The following MAP4 variants were observed in gnomAD, a reference collection of about 807,000 sequenced individuals.
The protein encoded by MAP4 is microtubule-associated protein 4.
In MAP4, 76 loss-of-function variants were observed where a neutral mutation model predicts 170.2. The observed-to-expected ratio is 0.45, with a 90% confidence interval of 0.37 to 0.54. The LOEUF is 0.54. MAP4 is among the 20% of genes least tolerant of loss of function. The pLI is 0.00. For synonymous variants in MAP4, 909 were observed against 994.5 expected (o/e 0.91, Z 1.62); for missense variants, 2,506 against 2,748.0 (o/e 0.91, Z 1.97).
rs576545960 is a variant in MAP4 at position 47,919,309 on chromosome 3, G to GT, written c.530-469dup. Among the ~76,000 whole-genome samples the GT allele has an allele frequency of 4.1e-3, 620 of 151,528 alleles. 6 individuals are homozygous for GT. Among genetic ancestry groups the GT allele is most frequent in the African/African-American group, 0.014 (595 of 41,346 alleles). ...ACTAATAAAAAACAATGCAAAAAAA[G>GT]TTTTTTTTCTTTTTTTGAGACAGAG... On this transcript the variant is annotated intron_variant, in intron 5 of 20. Coordinates refer to ENST00000683076, the MANE Select transcript of MAP4 (RefSeq NM_001385682.1).
chr3:47,973,964 A>C (rs2100080387), intron 3 of MAP4: 1 of 985,322 alleles, frequency 1.0e-6, no homozygotes, highest in Non-Finnish European at 1.2e-6. Flanking sequence ...TTCTGTCCAG[A>C]ATCCATAGAA....
chr3:47,957,816 A>G (rs936810366), intron 3 of MAP4, among the ~76,000 whole-genome samples: 3 of 152,204 alleles, frequency 2.0e-5, no homozygotes, highest in African/African-American at 7.2e-5. Context: ...GATTTCAATC[A>G]GAGACACCTT....
rs1203613789 is a variant in MAP4, at chr3:48,037,313, A to G, written c.-19-38434T>C. Among the ~76,000 whole-genome samples the G allele has an allele frequency of 2.6e-5, 4 of 152,216 alleles. No homozygotes were observed. In the East Asian group the frequency reaches 5.8e-4, roughly 22 times the overall value. On this transcript the variant is annotated intron_variant, in intron 1 of 18. Coordinates refer to the MAP4 transcript ENST00000360240. ...AAGAATACTAAATCAAAAATGATTTATATCAATTATTGTCCATCTTCAATA... is the reference window on the plus strand; with the variant it reads ...AAGAATACTAAATCAAAAATGATTTGTATCAATTATTGTCCATCTTCAATA...
At chr3:47,950,887 A>G (rs2100063291) in intron 3 of MAP4, among the ~76,000 whole-genome samples, 1 of 152,132 alleles carries the variant, frequency 6.6e-6, no homozygotes, top group Non-Finnish European at 1.5e-5. Flanking sequence ...GAAAATTTCT[A>G]CGGAATTCAA....
intron 12 of MAP4, among the ~76,000 whole-genome samples, chr3:47,874,597 C>A (rs1045734973): frequency 6.6e-6 from 1 of 152,206 alleles, no homozygotes. Flanking sequence ...TGTCACCCCC[C>A]AGAAGCCGCT....
At chr3:47,881,447 T>C (rs1393793871) in intron 10 of MAP4, among the ~76,000 whole-genome samples, 19 of 3,520 alleles carry the variant, frequency 5.4e-3, no homozygotes, top group Middle Eastern at 0.045. Context: ...AAAAAACAAC[T>C]ATATATATAT....
chr3:47,866,274 T>C (rs569894837), intron 17 of MAP4, among the ~76,000 whole-genome samples: 2 of 150,800 alleles, frequency 1.3e-5, no homozygotes, highest in Non-Finnish European at 3.0e-5. Flanking sequence ...TAGGTGGAGG[T>C]TGCAGTGAGC....
intron 1 of MAP4, among the ~76,000 whole-genome samples, chr3:48,046,244 C>T (rs1226858980): frequency 6.6e-6 from 1 of 152,148 alleles, no homozygotes; most frequent in African/African-American, 2.4e-5. Flanking sequence ...TTAACTATCA[C>T]ATAGATTTAT....
intron 10 of MAP4, among the ~76,000 whole-genome samples, chr3:47,888,270 C>G (rs1038784682): frequency 4.6e-5 from 7 of 152,154 alleles, no homozygotes; most frequent in African/African-American, 1.2e-4. Flanking sequence ...GCTGCCCGAG[C>G]CAGCACTGGT....
chr3:47,995,250 CTTTTT>C (rs67017707), intron 2 of MAP4, among the ~76,000 whole-genome samples: 2 of 112,220 alleles, frequency 1.8e-5, no homozygotes, highest in African/African-American at 3.2e-5. Flanking sequence ...TTTTTCTTTT[CTTTTT>C]TTTTTTTTTT....
In MAP4 at chr3:47,857,834, G is replaced by A. The variant is rs534826640; in HGVS notation, c.6502-322C>T. 2.6e-5 allele frequency among the ~76,000 whole-genome samples: 4 copies of A among 151,698 alleles called. No homozygotes were observed. In the South Asian group the frequency reaches 8.3e-4, roughly 32 times the overall value. ...AGCAATTCTCCTGCCTCAGCCTCCC[G>A]AGTAGCTGGGATTACAGGCGTGTAC... On this transcript the variant is annotated intron_variant, in intron 17 of 20. Coordinates refer to ENST00000683076, the MANE Select transcript of MAP4 (RefSeq NM_001385682.1).
chr3:47,925,227 T>TATCAATACCAGGAGGCAGGG, intron 4 of MAP4, among the ~76,000 whole-genome samples: 1 of 152,274 alleles, frequency 6.6e-6, no homozygotes, highest in South Asian at 2.1e-4. Context: ...TACACAAGGG[T>TATCAATACCAGGAGGCAGGG]ATCAATACCA....
rs567561472 is a variant in MAP4 at position 47,853,868 on chromosome 3, G to A, written c.6697-516C>T. Among the ~76,000 whole-genome samples the A allele has an allele frequency of 9.1e-4, 138 of 152,322 alleles. 1 individual carries two copies. The highest frequency in any genetic ancestry group is 1.8e-3 in the Non-Finnish European group (125 of 68,038). ...TTGTCTGTGCGGGGCACCATTCTGGGACCAGGGGTCCATGGGAGGCAGAAA... is the reference window on the plus strand; with the variant it reads ...TTGTCTGTGCGGGGCACCATTCTGGAACCAGGGGTCCATGGGAGGCAGAAA... On this transcript the variant is annotated intron_variant, in intron 19 of 20. Coordinates refer to ENST00000683076, the MANE Select transcript of MAP4 (RefSeq NM_001385682.1).
rs566882236 is a variant in MAP4 at position 47,937,771 on chromosome 3, C to T, written c.293-9421G>A. 3.1e-4 allele frequency among the ~76,000 whole-genome samples: 47 copies of T among 149,822 alleles called. No individual in the cohort carries two copies. The South Asian group carries it at 9.7e-3, about 31-fold the overall frequency. On this transcript the variant is annotated intron_variant, in intron 3 of 20. Transcript: ENST00000683076. Reference sequence around the variant, plus strand: ...CTGCCTCCCGGGTTCAAGCGATTCTCCTGCCTCAGCCTCCTGAGTAGCTGG... The same window carrying T: ...CTGCCTCCCGGGTTCAAGCGATTCTTCTGCCTCAGCCTCCTGAGTAGCTGG...
chr3:48,025,357 C>T (rs1193196620), intron 1 of MAP4, among the ~76,000 whole-genome samples: 2 of 148,982 alleles, frequency 1.3e-5, no homozygotes, highest in African/African-American at 5.0e-5. Flanking sequence ...GGTGCGATCT[C>T]GGCTCACTGC....
At chr3:48,050,620 C>A (rs2100127208) in intron 1 of MAP4, among the ~76,000 whole-genome samples, 1 of 145,022 alleles carries the variant, frequency 6.9e-6, no homozygotes. Flanking sequence ...AAAAAAAAAA[C>A]TATAGAGGAC....
intron 1 of MAP4, among the ~76,000 whole-genome samples, chr3:48,079,268 A>G (rs766921167): frequency 1.3e-5 from 2 of 152,092 alleles, no homozygotes; most frequent in Non-Finnish European, 2.9e-5. Context: ...TCTGTATACT[A>G]CAGATATTCC....
chr3:48,015,909 C>G (rs2100107540), intron 1 of MAP4, among the ~76,000 whole-genome samples: 1 of 152,180 alleles, frequency 6.6e-6, no homozygotes, highest in Non-Finnish European at 1.5e-5. Flanking sequence ...AAGATCTTGA[C>G]TATCCTGAGC....
intron 17 of MAP4, among the ~76,000 whole-genome samples, chr3:47,865,516 G>GGA (rs35479076): frequency 0.39 from 58,541 of 151,932 alleles, 12,624 homozygotes; most frequent in African/African-American, 0.59. Flanking sequence ...GGGGCAGGAA[G>GGA]GAGTTGTGTG....
Sources: allele counts gnomAD v4.1 joint callset (sites outside exome capture counted in the v4.1 genomes callset), GRCh38; gene constraint gnomAD v4.1.1; transcripts MANE v1.5; gene names NCBI Gene and HGNC (gene_info 2026-07-23, HGNC 2026-07-21).